The following WDR5 variants were observed in gnomAD, a reference collection of about 807,000 sequenced individuals.
WDR5 encodes WD repeat-containing protein 5.
For synonymous variants in WDR5, 144 were observed against 161.6 expected (o/e 0.89, Z 0.83); for missense variants, 187 against 416.9 (o/e 0.45, Z 4.80).
rs1313757275 is a variant in WDR5, at chr9:134,136,182, C to G, written c.-77C>G. ...ACGCGACGCCCCGAGCGCCCGGCCC[C>G]GCCGCCGCGGCCCGGCAGGTAAGCG... is the stretch of plus-strand genomic sequence containing the variant. On this transcript the variant is annotated 5_prime_UTR_variant, in exon 1 of 14. Transcript: ENST00000358625. The G allele has an allele frequency of 1.4e-5, 2 of 147,724 alleles. No homozygotes were observed. Among genetic ancestry groups the G allele is most frequent in the African/African-American group, 2.4e-5 (1 of 41,024 alleles). 9.2% of individuals were successfully genotyped at this position (147,724 alleles called of 1,614,324 possible).
chr9:134,148,423 G>C, intron 8 of WDR5, 80 bp downstream of exon 8: 1 of 1,279,330 alleles, frequency 7.8e-7, no homozygotes, highest in Non-Finnish European at 1.1e-6. Flanking sequence ...GCATCTGGGG[G>C]TACAGCAGTG....
chr9:134,144,191 A>G (rs1443103781), intron 7 of WDR5, among the ~76,000 whole-genome samples: 1 of 152,250 alleles, frequency 6.6e-6, no homozygotes, highest in Non-Finnish European at 1.5e-5. Context: ...TAGCTGGGCC[A>G]CAAGACCCTC....
chr9:134,155,790 G>T, intron 12 of WDR5, 23 bp downstream of exon 12: 1 of 1,609,710 alleles, frequency 6.2e-7, no homozygotes, highest in East Asian at 2.2e-5. Context: ...ACCTTGAAGC[G>T]TCTCACCTGT....
At chr9:134,153,130 C>T (rs1299495244) in intron 9 of WDR5, among the ~76,000 whole-genome samples, 1 of 152,214 alleles carries the variant, frequency 6.6e-6, no homozygotes, top group Admixed American at 6.5e-5. Context: ...GATCACACCG[C>T]ACTTGGTGTC....
At chr9:134,141,716 T>C (rs1831898186) in intron 4 of WDR5, 133 bp downstream of exon 4, 1 of 1,031,496 alleles carries the variant, frequency 9.7e-7, no homozygotes, top group Non-Finnish European at 1.4e-6. Flanking sequence ...TTTATAGTTA[T>C]TTGCATCTTG....
chr9:134,158,011 C>T lies in WDR5; in HGVS notation c.*18C>T, dbSNP rs774471961. 1.7e-5 allele frequency: 27 copies of T among 1,610,318 alleles called. No individual in the cohort carries two copies. Among genetic ancestry groups the T allele is most frequent in the African/African-American group, 1.2e-4 (9 of 74,836 alleles). ...ACTGCTAAGTCCCTTTGCTCCTGCC[C>T]GCGAGAGACTGTCGGGAAGTTGACC... On this transcript the variant is annotated 3_prime_UTR_variant, in exon 14 of 14. Coordinates refer to ENST00000358625, the MANE Select transcript of WDR5 (RefSeq NM_017588.3).
At chr9:134,143,077 G>A (rs1831979586) in intron 7 of WDR5, among the ~76,000 whole-genome samples, 1 of 151,544 alleles carries the variant, frequency 6.6e-6, no homozygotes, top group Admixed American at 6.6e-5. Flanking sequence ...GGCACTGGGA[G>A]TGGTGGGAGC....
At position 134,158,830 on chromosome 9, in the gene WDR5, T is replaced by C. The variant is rs905803298; in HGVS notation, c.*837T>C. On this transcript the variant is annotated 3_prime_UTR_variant, in exon 14 of 14. Transcript: ENST00000358625. Reference sequence around the variant, plus strand: ...CCTGCTCTCTGAAGACGCCTTCCTCTCTAGGTTCATTGTTCAGTGTTGCTG... The same window carrying C: ...CCTGCTCTCTGAAGACGCCTTCCTCCCTAGGTTCATTGTTCAGTGTTGCTG... 15 of 151,796 alleles carry C rather than the reference T, an allele frequency of 9.9e-5. No individual in the cohort carries two copies. Among genetic ancestry groups the C allele is most frequent in the Non-Finnish European group, 1.9e-4 (13 of 68,000 alleles). The allele number at this position is 151,796 out of a possible 1,614,324, so 9.4% of individuals were successfully genotyped here.
chr9:134,149,587 A>G (rs968901774), intron 8 of WDR5, among the ~76,000 whole-genome samples: 17 of 152,184 alleles, frequency 1.1e-4, no homozygotes, highest in Non-Finnish European at 4.4e-5. Flanking sequence ...TGTCACCAAC[A>G]GGGAAGTGAG....
rs898438245 is a variant in WDR5 at position 134,157,149 on chromosome 9, G to A, written c.904+556G>A. ...CATTTCCACGTCTCATGGAGCCAAC[G>A]AGAGCAGGGGGTTCGAGCCCTTGTG... is the stretch of plus-strand genomic sequence containing the variant. On this transcript the variant is annotated intron_variant, in intron 13 of 13. Coordinates refer to ENST00000358625, the MANE Select transcript of WDR5 (RefSeq NM_017588.3). The surrounding 1 kb of genome is among the most constrained non-coding windows in gnomAD (Gnocchi z 5.0). 3.3e-5 allele frequency among the ~76,000 whole-genome samples: 5 copies of A among 152,158 alleles called. No individual in the cohort carries two copies. The highest frequency in any genetic ancestry group is 1.9e-4 in the East Asian group (1 of 5,190).
intron 9 of WDR5, 77 bp downstream of exon 9, chr9:134,152,106 C>A: frequency 6.6e-7 from 1 of 1,521,712 alleles, no homozygotes; most frequent in Non-Finnish European, 9.0e-7. Flanking sequence ...TGTTCTTCAC[C>A]AGCTCCTCCT....
chr9:134,140,937 G>C, intron 3 of WDR5, 126 bp downstream of exon 3: 1 of 853,722 alleles, frequency 1.2e-6, no homozygotes, highest in Non-Finnish European at 1.9e-6. Flanking sequence ...TGGGGGGCAC[G>C]TAGCAGGCGG....
chr9:134,142,045 G>C lies in WDR5; in HGVS notation c.354+7G>C, dbSNP rs772473051. On this transcript the variant is annotated splice_region_variant and intron_variant, in intron 5 of 13. Coordinates refer to ENST00000358625, the MANE Select transcript of WDR5 (RefSeq NM_017588.3). ...GATATGGGACGTGAGCTCGGTAAGT[G>C]ACACTCAGTGCTTCTCTCCAGGGGA... The C allele has an allele frequency of 2.5e-6, 4 of 1,613,452 alleles. No individual in the cohort carries two copies. The Admixed American group carries it at 6.7e-5, about 27-fold the overall frequency.
intron 9 of WDR5, among the ~76,000 whole-genome samples, chr9:134,152,293 C>G (rs374093944): frequency 1.3e-5 from 2 of 152,258 alleles, no homozygotes; most frequent in Admixed American, 1.3e-4. Context: ...GGCCTCACTC[C>G]GGCTGCTCAC....
intron 7 of WDR5, among the ~76,000 whole-genome samples, chr9:134,145,102 T>TGTTTTTTTTTTC (rs1034355353): frequency 8.4e-6 from 1 of 118,672 alleles, no homozygotes; most frequent in East Asian, 2.1e-4. Context: ...CTTTGTTTTT[T>TGTTTTTTTTTTC]TTTTTTTTTT....
rs1832837560 is a variant in WDR5 at position 134,158,200 on chromosome 9, A to G, written c.*207A>G. 1 of 545,504 alleles carries G rather than the reference A, an allele frequency of 1.8e-6. No homozygotes were observed. Among genetic ancestry groups the G allele is most frequent in the Non-Finnish European group, 3.3e-6 (1 of 302,994 alleles). The allele number at this position is 545,504 out of a possible 1,614,324, so 33.8% of individuals were successfully genotyped here. Reference sequence around the variant, plus strand: ...AAGTTGCTGGTGACATTTCTTGCCAATTCTAACACTGTCTAGGGAAGAGTT... The same window carrying G: ...AAGTTGCTGGTGACATTTCTTGCCAGTTCTAACACTGTCTAGGGAAGAGTT... On this transcript the variant is annotated 3_prime_UTR_variant, in exon 14 of 14. Coordinates refer to ENST00000358625, the MANE Select transcript of WDR5 (RefSeq NM_017588.3).
At chr9:134,155,572 G>A in intron 11 of WDR5, 121 bp from the exon 12 acceptor site, 1 of 1,275,342 alleles carries the variant, frequency 7.8e-7, no homozygotes, top group Non-Finnish European at 1.1e-6. Context: ...GTGTGGGTTT[G>A]GTACTTGTAC....
intron 1 of WDR5, among the ~76,000 whole-genome samples, chr9:134,139,547 C>A (rs1831765869): frequency 6.6e-6 from 1 of 152,220 alleles, no homozygotes; most frequent in South Asian, 2.1e-4. Context: ...TGCATTCTTA[C>A]AGACTTCTGG....
Position 134,157,620 on chromosome 9 carries a change from G to A in WDR5, c.905-273G>A, listed in dbSNP as rs1052115371. Among the ~76,000 whole-genome samples, 1 of 152,250 alleles carries A rather than the reference G, an allele frequency of 6.6e-6. No individual in the cohort carries two copies. Among genetic ancestry groups the A allele is most frequent in the African/African-American group, 2.4e-5 (1 of 41,544 alleles). On this transcript the variant is annotated intron_variant, in intron 13 of 13. Coordinates refer to ENST00000358625, the MANE Select transcript of WDR5 (RefSeq NM_017588.3). The surrounding 1 kb of genome is among the most constrained non-coding windows in gnomAD (Gnocchi z 5.0). ...GCTGCTGTTGGTGGGGGCGTGTGGG[G>A]CTCCTGGTCTGCAGGCAGGGCTGGC...
Sources: gnomAD v4.1 joint callset for allele counts (sites outside exome capture counted in the v4.1 genomes callset) on GRCh38, gnomAD v4.1.1 for gene constraint, Gnocchi (gnomAD v3.1) non-coding constraint, MANE v1.5 for transcripts, NCBI Gene and HGNC (gene_info 2026-07-23, HGNC 2026-07-21) for gene names.